Variants in KCNMA1 observed in about 807,000 individuals in gnomAD.
The protein encoded by KCNMA1 is Calcium-activated potassium channel subunit alpha-1.
KCNMA1 carries 29 observed loss-of-function variants against 140.0 expected under a neutral mutation model. The ratio of observed to expected loss-of-function variants is 0.21; its 90% CI spans 0.15 to 0.28. The LOEUF (loss-of-function observed/expected upper bound fraction) is 0.28. Among genes scored for constraint, KCNMA1 ranks in the 10% least tolerant of loss-of-function variants. The pLI is 1.00. For synonymous variants in KCNMA1, 612 were observed against 611.9 expected, an observed-to-expected ratio of 1.00 and a Z score of 0.00; for missense variants, 880 against 1,602.2, an observed-to-expected ratio of 0.55 and a Z score of 7.70.
chr10:77,240,425 C>A (rs1375873200), intron 3 of KCNMA1, among the ~76,000 whole-genome samples: 1 of 152,110 alleles, frequency 6.6e-6, no homozygotes, highest in Admixed American at 6.6e-5. Flanking sequence ...GGCTTCCCAT[C>A]TTAGAGAGAG....
chr10:77,533,562 C>T (rs942524166), intron 1 of KCNMA1, among the ~76,000 whole-genome samples: 5 of 152,096 alleles, frequency 3.3e-5, no homozygotes, highest in East Asian at 1.9e-4. Context: ...TCTTTCTTCC[C>T]GCATCCCACC....
Position 77,237,045 on chromosome 10 carries a change from C to T in KCNMA1, c.602+14150G>A, listed in dbSNP as rs1017904808. Among the ~76,000 whole-genome samples the T allele has an allele frequency of 4.6e-5, 7 of 152,166 alleles. 1 individual carries two copies. The highest frequency in any genetic ancestry group is 9.7e-5 in the African/African-American group (4 of 41,442). ...AGGTCTCGTCCATTATTCTGATAAC[C>T]GATCTCTTTACTGCCTTACAATACA... On this transcript the variant is annotated intron_variant, in intron 3 of 27. Transcript: ENST00000286628.
At chr10:77,177,294 C>T (rs1191610446) in intron 5 of KCNMA1, among the ~76,000 whole-genome samples, 1 of 147,854 alleles carries the variant, frequency 6.8e-6, no homozygotes, top group Non-Finnish European at 1.5e-5. Flanking sequence ...TCCTTCTTTC[C>T]TTCCTTCTTT....
At chr10:77,543,127 T>C (rs552964437) in intron 1 of KCNMA1, among the ~76,000 whole-genome samples, 2 of 152,234 alleles carry the variant, frequency 1.3e-5, no homozygotes, top group Admixed American at 1.3e-4. Context: ...ATCATCTAAA[T>C]GGCAAGGACA....
chr10:76,991,721 C>T (rs942920763), intron 19 of KCNMA1, among the ~76,000 whole-genome samples: 5 of 152,152 alleles, frequency 3.3e-5, no homozygotes, highest in African/African-American at 1.2e-4. Flanking sequence ...GAAGCCCAGC[C>T]AAGGATGTCA....
chr10:77,184,945 A>G (rs2098836380), intron 3 of KCNMA1, 29 bp from the exon 4 acceptor site: 2 of 1,358,432 alleles, frequency 1.5e-6, no homozygotes, highest in Non-Finnish European at 2.1e-6. Context: ...AAAAAGCAAG[A>G]GGTAAATGAC....
intron 1 of KCNMA1, among the ~76,000 whole-genome samples, chr10:77,593,900 A>G (rs1038396347): frequency 1.3e-5 from 2 of 152,346 alleles, no homozygotes; most frequent in Admixed American, 6.5e-5. Flanking sequence ...AATTGTGCCC[A>G]GAGCTGCCTT....
At chr10:76,973,126 A>G (rs1381145155) in intron 19 of KCNMA1, 1 of 152,168 alleles carries the variant, frequency 6.6e-6, no homozygotes, top group Non-Finnish European at 1.5e-5. Flanking sequence ...TTTAACCTAC[A>G]TTTTGGCTAA....
chr10:77,571,406 T>A (rs2071240703), intron 1 of KCNMA1, among the ~76,000 whole-genome samples: 1 of 152,150 alleles, frequency 6.6e-6, no homozygotes, highest in Admixed American at 6.5e-5. Context: ...CCAAACTACC[T>A]CCAGTTAATT....
At chr10:77,411,863 G>C (rs912123918) in intron 1 of KCNMA1, among the ~76,000 whole-genome samples, 1 of 152,186 alleles carries the variant, frequency 6.6e-6, no homozygotes, top group African/African-American at 2.4e-5. Context: ...GCGTGGCCAA[G>C]CTGACGGGCT....
intron 3 of KCNMA1, among the ~76,000 whole-genome samples, chr10:77,186,523 C>T (rs566092294): frequency 6.6e-6 from 1 of 152,062 alleles, no homozygotes; most frequent in African/African-American, 2.4e-5. Flanking sequence ...GGCCTGCTCT[C>T]CTACACAGGT....
intron 14 of KCNMA1, among the ~76,000 whole-genome samples, chr10:77,050,920 T>C (rs368745288): frequency 6.6e-6 from 1 of 152,194 alleles, no homozygotes; most frequent in East Asian, 1.9e-4. Context: ...ATCCAAGTGT[T>C]TGGGCTGTTG....
chr10:77,230,832 A>G (rs1485066453), intron 3 of KCNMA1, among the ~76,000 whole-genome samples: 1 of 152,182 alleles, frequency 6.6e-6, no homozygotes, highest in African/African-American at 2.4e-5. Flanking sequence ...AGGAGCCACA[A>G]AGAATTCAGC....
chr10:77,468,355 T>C (rs1404012380), intron 1 of KCNMA1, among the ~76,000 whole-genome samples: 2 of 152,216 alleles, frequency 1.3e-5, no homozygotes, highest in East Asian at 3.8e-4. Flanking sequence ...TATTAAGGGC[T>C]GATTTATGTT....
At chr10:77,570,458 A>G (rs1397479661) in intron 1 of KCNMA1, among the ~76,000 whole-genome samples, 3 of 149,798 alleles carry the variant, frequency 2.0e-5, no homozygotes, top group African/African-American at 5.0e-5. Context: ...GAAATTGGAA[A>G]TCATCATTCT....
chr10:77,198,594 T>TATATATATATATATATATATA (rs1565161143), intron 3 of KCNMA1, among the ~76,000 whole-genome samples: 1 of 147,024 alleles, frequency 6.8e-6, no homozygotes, highest in African/African-American at 2.5e-5. Flanking sequence ...TATATATATA[T>TATATATATATATATATATATA]TTCTTAACAT....
intron 1 of KCNMA1, among the ~76,000 whole-genome samples, chr10:77,580,521 C>A (rs2075572615): frequency 6.6e-6 from 1 of 152,218 alleles, no homozygotes; most frequent in African/African-American, 2.4e-5. Context: ...CAGCTCCAAT[C>A]TCTACTGCCT....
At position 77,430,277 on chromosome 10, in the gene KCNMA1, ACTT is replaced by A. The variant is rs1471955124; in HGVS notation, c.379-26257_379-26255del. On this transcript the variant is annotated intron_variant, in intron 1 of 27. Coordinates refer to ENST00000286628, the MANE Select transcript of KCNMA1 (RefSeq NM_001161352.2). ...CCACCTCAAGACAAATGCAGATCTG[ACTT>A]CTTCTTCCTCTACTCTATGTTTACT... 5.3e-5 allele frequency among the ~76,000 whole-genome samples: 8 copies of A among 152,172 alleles called. No individual in the cohort carries two copies. The East Asian group carries it at 7.7e-4, about 15-fold the overall frequency.
chr10:77,050,484 G>C (rs2095321224), intron 14 of KCNMA1, among the ~76,000 whole-genome samples: 3 of 152,142 alleles, frequency 2.0e-5, no homozygotes, highest in Admixed American at 1.3e-4. Context: ...CAAATGACAA[G>C]GTCTCACCAG....
Sources: gnomAD v4.1 joint callset for allele counts (sites outside exome capture counted in the v4.1 genomes callset) on GRCh38, gnomAD v4.1.1 for gene constraint, MANE v1.5 for transcripts, NCBI Gene and HGNC (gene_info 2026-07-23, HGNC 2026-07-21) for gene names.